The following PRKCH variants were observed in gnomAD, a reference collection of about 807,000 sequenced individuals.
PRKCH encodes protein kinase C eta.
In PRKCH, 28 loss-of-function variants were observed where a neutral mutation model predicts 82.5. That is an observed-to-expected ratio of 0.34 (90% CI 0.25 to 0.47). The LOEUF is 0.47. Ranked by LOEUF, PRKCH falls within the 20% of genes least tolerant of loss-of-function variation. The pLI is 1.00. For missense variants in PRKCH, 705 were observed against 881.8 expected (o/e 0.80, Z 2.54); for synonymous variants, 322 against 327.4 (o/e 0.98, Z 0.18).
chr14:61,478,719 A>G (rs1393411011), intron 9 of PRKCH, among the ~76,000 whole-genome samples: 1 of 151,938 alleles, frequency 6.6e-6, no homozygotes, highest in African/African-American at 2.4e-5. Context: ...AATTAGCCAG[A>G]TGTGGTGGCA....
chr14:61,478,342 G>T (rs762021574), intron 9 of PRKCH, among the ~76,000 whole-genome samples: 2 of 152,072 alleles, frequency 1.3e-5, no homozygotes, highest in Non-Finnish European at 2.9e-5. Flanking sequence ...GAGCCCAGGT[G>T]TCGCCACTGC....
intron 1 of PRKCH, among the ~76,000 whole-genome samples, chr14:61,284,351 T>C (rs915408166): frequency 1.3e-5 from 2 of 152,196 alleles, no homozygotes; most frequent in Non-Finnish European, 2.9e-5. Context: ...GTAGTTAATC[T>C]GAAAGGCGAA....
In PRKCH at chr14:61,413,416, C is replaced by T. The variant is rs576352429; in HGVS notation, c.427+22128C>T. On this transcript the variant is annotated intron_variant, in intron 2 of 13. Transcript: ENST00000332981. Reference sequence around the variant, plus strand: ...TTCTTTTTAAGCGCCCCCCCCCCGCCCCGCCCATGTACCCTGTGCCTATAT... The same window carrying T: ...TTCTTTTTAAGCGCCCCCCCCCCGCTCCGCCCATGTACCCTGTGCCTATAT... 3.7e-4 allele frequency among the ~76,000 whole-genome samples: 40 copies of T among 106,778 alleles called. 3 individuals are homozygous for T. The highest frequency in any genetic ancestry group is 7.0e-4 in the Non-Finnish European group (34 of 48,366). 70.1% of individuals were successfully genotyped at this position (106,778 alleles called of 152,430 possible).
chr14:61,549,704 G>A lies in PRKCH; in HGVS notation c.1925G>A (p.Ser642Asn), dbSNP rs775597386. 2 of 1,612,310 alleles carry A rather than the reference G, an allele frequency of 1.2e-6. No individual in the cohort carries two copies. Among genetic ancestry groups the A allele is most frequent in the Non-Finnish European group, 1.7e-6 (2 of 1,179,710 alleles). The change falls in exon 14 of 14, where the codon AGT becomes AAT. Residue 642 changes from serine (S) to asparagine (N), a missense_variant. Physicochemically the swap from Ser to Asn is conservative, Grantham distance 46. Transcript: ENST00000332981. ...RPRIKSREDV[S>N]NFDPDFIKEE... ...TGGCAGAAATCCCGAGAAGATGTCA[G>A]TAATTTTGACCCTGACTTCATAAAG...
intron 2 of PRKCH, among the ~76,000 whole-genome samples, chr14:61,423,583 G>T (rs1188378678): frequency 6.6e-6 from 1 of 152,176 alleles, no homozygotes; most frequent in Non-Finnish European, 1.5e-5. Context: ...TTCCAAGTGG[G>T]AGGAGTGACA....
At chr14:61,192,926 CTT>C (rs1161710369) in intron 1 of PRKCH, among the ~76,000 whole-genome samples, 1 of 152,242 alleles carries the variant, frequency 6.6e-6, no homozygotes, top group Non-Finnish European at 1.5e-5. Context: ...TGAAGAGTCT[CTT>C]TGTCCCAGCA....
At chr14:61,525,663 C>G (rs1566928392) in intron 10 of PRKCH, 2 of 152,254 alleles carry the variant, frequency 1.3e-5, no homozygotes, top group Admixed American at 1.3e-4. Context: ...GTCACAAGCT[C>G]TTAAGCAACT....
intron 1 of PRKCH, among the ~76,000 whole-genome samples, chr14:61,192,899 A>G (rs2044415731): frequency 6.6e-6 from 1 of 152,210 alleles, no homozygotes; most frequent in African/African-American, 2.4e-5. Flanking sequence ...CAGAGCAACC[A>G]CTTCTAAACT....
intron 1 of PRKCH, among the ~76,000 whole-genome samples, chr14:61,338,375 T>C (rs1399148423): frequency 3.9e-5 from 6 of 152,216 alleles, no homozygotes; most frequent in African/African-American, 1.4e-4. Context: ...TTTTGGTGTG[T>C]GTGAGTTTAA....
At position 61,419,927 on chromosome 14, in the gene PRKCH, C is replaced by G. The variant is rs1464784119; in HGVS notation, c.428-23184C>G. 2.6e-5 allele frequency among the ~76,000 whole-genome samples: 4 copies of G among 152,208 alleles called. No homozygotes were observed. The South Asian group carries it at 6.2e-4, about 24-fold the overall frequency. On this transcript the variant is annotated intron_variant, in intron 2 of 13. Transcript: ENST00000332981. ...TGAGGTTTGGCTACCACAATTTGCC[C>G]TGTTTTGCCAGAGATGCCAGTTGAA...
chr14:61,281,235 G>T, intron 1 of PRKCH: 1 of 830,554 alleles, frequency 1.2e-6, no homozygotes. Flanking sequence ...CAAGCCCGGG[G>T]ACTGCTCGCG....
intron 9 of PRKCH, among the ~76,000 whole-genome samples, chr14:61,465,245 T>C (rs1885202349): frequency 6.6e-6 from 1 of 152,238 alleles, no homozygotes; most frequent in Admixed American, 6.5e-5. Context: ...CATTTGTCTA[T>C]TTTTGCTTTT....
At position 61,280,903 on chromosome 14, in the gene PRKCH, G is replaced by A; in HGVS notation, c.-19+93235G>A. The A allele has an allele frequency of 6.5e-7, 1 of 1,547,532 alleles. No individual in the cohort carries two copies. The highest frequency in any genetic ancestry group is 8.7e-7 in the Non-Finnish European group (1 of 1,152,464). On this transcript the variant is annotated intron_variant, in intron 1 of 3. Transcript: ENST00000555185. This position sits in a 1 kb window ranked among gnomAD's most constrained non-coding sequence, Gnocchi z 5.0. ...GGGCGGCAGCGCCCGGCCCTGGCCA[G>A]CCGCGGCGCACACCGAGCAGTTACC...
At chr14:61,508,977 C>A (rs550630073) in intron 10 of PRKCH, among the ~76,000 whole-genome samples, 12 of 152,184 alleles carry the variant, frequency 7.9e-5, no homozygotes, top group African/African-American at 2.9e-4. Flanking sequence ...GATTCCCATC[C>A]ATGTTCTCAC....
At chr14:61,325,036 T>C (rs868056822) in intron 1 of PRKCH, among the ~76,000 whole-genome samples, 2 of 152,322 alleles carry the variant, frequency 1.3e-5, no homozygotes, top group South Asian at 4.1e-4. Context: ...ATGGTTAAGA[T>C]CTCAATTCTT....
chr14:61,434,851 A>G (rs1453238367), intron 2 of PRKCH, among the ~76,000 whole-genome samples: 3 of 152,098 alleles, frequency 2.0e-5, no homozygotes, highest in Non-Finnish European at 2.9e-5. Context: ...TGAGACCCCA[A>G]CTCTACTTTT....
chr14:61,509,672 G>A (rs1436626665), intron 10 of PRKCH, among the ~76,000 whole-genome samples: 1 of 152,116 alleles, frequency 6.6e-6, no homozygotes, highest in African/African-American at 2.4e-5. Context: ...ATCACTTGAG[G>A]TCAGGAGTTC....
intron 1 of PRKCH, among the ~76,000 whole-genome samples, chr14:61,263,716 A>C (rs2045070355): frequency 6.6e-6 from 1 of 152,172 alleles, no homozygotes; most frequent in South Asian, 2.1e-4. Context: ...AAGTTCATCT[A>C]ATAATTTATG....
intron 1 of PRKCH, chr14:61,281,112 C>T: frequency 6.9e-7 from 1 of 1,439,684 alleles, no homozygotes; most frequent in Non-Finnish European, 9.1e-7. Context: ...TGTTGTCGGG[C>T]TGGTGGGCGC....
Sources: allele counts gnomAD v4.1 joint callset (sites outside exome capture counted in the v4.1 genomes callset), GRCh38; gene constraint gnomAD v4.1.1; non-coding constraint Gnocchi (gnomAD v3.1); transcripts MANE v1.5; gene names NCBI Gene and HGNC (gene_info 2026-07-23, HGNC 2026-07-21).